PNPT1: variants seen among roughly 807,000 people sequenced by gnomAD.
PNPT1 encodes the protein polyribonucleotide nucleotidyltransferase 1.
A neutral mutation model predicts 119.5 loss-of-function variants in PNPT1; 53 were observed. The observed-to-expected ratio is 0.44, with a 90% CI of 0.36 to 0.56. PNPT1 has a LOEUF of 0.56. Ranked by LOEUF, PNPT1 falls within the 20% of genes least tolerant of loss-of-function variation. The probability of loss-of-function intolerance (pLI) is 0.00; values close to 1 mark genes in which losing one functional copy is unlikely to be tolerated. For synonymous variants in PNPT1, 357 were observed against 322.1 expected, an observed-to-expected ratio of 1.11 and a Z score of -1.16; for missense variants, 948 against 938.5, an observed-to-expected ratio of 1.01 and a Z score of -0.13.
intron 26 of PNPT1, among the ~76,000 whole-genome samples, chr2:55,639,909 G>C (rs1483350830): frequency 2.0e-5 from 3 of 152,040 alleles, no homozygotes; most frequent in Non-Finnish European, 1.5e-5. Context: ...TTAGCTCTTT[G>C]ATCCAGACAG....
intron 3 of PNPT1, 94 bp downstream of exon 3, chr2:55,686,276 T>A (rs1697402912): frequency 8.8e-7 from 1 of 1,131,870 alleles, no homozygotes; most frequent in African/African-American, 1.6e-5. Context: ...TGCAAGTTTG[T>A]ATTTTCCACT....
rs777911727 is a variant in PNPT1 at position 55,683,815 on chromosome 2, G to A, written c.423C>T (p.Leu141=). 6.2e-6 allele frequency: 10 copies of A among 1,613,594 alleles called. No homozygotes were observed. The Admixed American group carries it at 8.3e-5, about 13-fold the overall frequency. Residue 141 remains leucine (L), a synonymous_variant, in exon 5 of 28, where the codon CTC becomes CTT. Coordinates refer to ENST00000447944, the MANE Select transcript of PNPT1 (RefSeq NM_033109.5). ...TATCATAGAAGTAGCCAGCTGGAAA[G>A]AGCGGTCTAATTGAACGATCTGCCA... is the stretch of plus-strand genomic sequence containing the variant. ...SRIIDRSIRP[L]FPAGYFYDTQ... is the part of the protein sequence containing the mutation.
intron 18 of PNPT1, among the ~76,000 whole-genome samples, chr2:55,649,390 C>A (rs1448348926): frequency 3.3e-5 from 5 of 152,198 alleles, no homozygotes; most frequent in Non-Finnish European, 7.3e-5. Context: ...GACACTCATG[C>A]CAGAATCAAC....
chr2:55,660,276 G>A, intron 14 of PNPT1, 83 bp from the exon 15 acceptor site: 1 of 1,379,956 alleles, frequency 7.2e-7, no homozygotes, highest in Non-Finnish European at 9.7e-7. Flanking sequence ...AGATTTAAGG[G>A]GATTTTACAA....
intron 1 of PNPT1, among the ~76,000 whole-genome samples, chr2:55,689,545 T>C (rs900061528): frequency 6.6e-6 from 1 of 152,236 alleles, no homozygotes; most frequent in Non-Finnish European, 1.5e-5. Flanking sequence ...AACAAAGTAC[T>C]AATACATGTC....
chr2:55,670,161 G>A (rs925273749), intron 11 of PNPT1, among the ~76,000 whole-genome samples: 1 of 151,758 alleles, frequency 6.6e-6, no homozygotes, highest in Non-Finnish European at 1.5e-5. Context: ...TTTGTGTGAG[G>A]TTGGTATTAT....
At chr2:55,645,181 G>A (rs1478245549) in intron 22 of PNPT1, 168 bp downstream of exon 22, 7 of 429,010 alleles carry the variant, frequency 1.6e-5, no homozygotes, top group Admixed American at 4.2e-5. Context: ...CCGCCACCAC[G>A]CCCGGCTAAT....
chr2:55,667,824 G>C (rs780830983), intron 12 of PNPT1, 38 bp downstream of exon 12: 1 of 1,583,330 alleles, frequency 6.3e-7, no homozygotes, highest in South Asian at 1.2e-5. Flanking sequence ...TGCAGAGACA[G>C]TGCATACTTC....
At chr2:55,651,788 A>T (rs1055619933) in intron 18 of PNPT1, among the ~76,000 whole-genome samples, 27 of 150,282 alleles carry the variant, frequency 1.8e-4, no homozygotes, top group Admixed American at 3.3e-4. Context: ...AAAAAAAAAA[A>T]ATTAAAAAAA....
chr2:55,647,553 T>C (rs1214017847), intron 18 of PNPT1, 100 bp from the exon 19 acceptor site: 5 of 798,862 alleles, frequency 6.3e-6, no homozygotes, highest in Non-Finnish European at 9.7e-6. Context: ...GGAGTCTCGG[T>C]CTGTTGCCCA....
rs763928602 is a variant in PNPT1, at chr2:55,684,931, T to C, written c.403+12A>G. 1.9e-6 allele frequency: 3 copies of C among 1,552,190 alleles called. No individual in the cohort carries two copies. The South Asian group carries it at 3.6e-5, about 19-fold the overall frequency. ...ACCAGAGAAGATGAACGCCTCTATG[T>C]TAATATCTTACCTATTATTCGACTT... On this transcript the variant is annotated intron_variant, in intron 4 of 27. Transcript: ENST00000447944.
intron 1 of PNPT1, among the ~76,000 whole-genome samples, chr2:55,688,352 T>C (rs753389710): frequency 1.2e-4 from 18 of 152,244 alleles, no homozygotes; most frequent in South Asian, 2.1e-4. Context: ...ATTTACCATC[T>C]TAGTACAGTC....
chr2:55,693,347 T>C (rs1041035719), intron 1 of PNPT1, among the ~76,000 whole-genome samples: 1 of 152,140 alleles, frequency 6.6e-6, no homozygotes, highest in Non-Finnish European at 1.5e-5. Context: ...CAACTCGTTA[T>C]TCCTAGGTGG....
At chr2:55,649,591 C>A (rs553324520) in intron 18 of PNPT1, among the ~76,000 whole-genome samples, 1 of 152,184 alleles carries the variant, frequency 6.6e-6, no homozygotes, top group Non-Finnish European at 1.5e-5. Flanking sequence ...GCTTCTTAGT[C>A]TCTCCCATCT....
At chr2:55,644,258 T>A (rs967975766) in intron 23 of PNPT1, among the ~76,000 whole-genome samples, 4 of 151,488 alleles carry the variant, frequency 2.6e-5, no homozygotes, top group Non-Finnish European at 4.4e-5. Context: ...AAATTAAAGC[T>A]TTTTTTTATA....
intron 4 of PNPT1, 131 bp from the exon 5 acceptor site, chr2:55,683,965 G>C: frequency 3.9e-6 from 3 of 764,714 alleles, no homozygotes; most frequent in Non-Finnish European, 6.4e-6. Flanking sequence ...TTTACTAAGA[G>C]GGACACAGAT....
intron 8 of PNPT1, among the ~76,000 whole-genome samples, chr2:55,673,461 T>G (rs927607164): frequency 6.6e-6 from 1 of 151,864 alleles, no homozygotes; most frequent in African/African-American, 2.4e-5. Context: ...CTTTTTTTTT[T>G]TTTTTGAGAC....
Position 55,686,549 on chromosome 2 carries a change from T to C in PNPT1, c.223-105A>G, listed in dbSNP as rs1324235626. The C allele has an allele frequency of 2.1e-5, 16 of 777,796 alleles. 1 individual carries two copies. Among genetic ancestry groups the C allele is most frequent in the Middle Eastern group, 4.7e-4 (2 of 4,248 alleles). The allele number at this position is 777,796 out of a possible 1,614,324, so 48.2% of individuals were successfully genotyped here. ...CTCCAATTAAACTCAAGAAAAGATA[T>C]CTAATTCTACGACACGATTATGAAA... On this transcript the variant is annotated intron_variant, in intron 2 of 27. Transcript: ENST00000447944.
chr2:55,644,554 A>C, intron 23 of PNPT1, 83 bp downstream of exon 23: 2 of 931,792 alleles, frequency 2.1e-6, no homozygotes, highest in Middle Eastern at 2.2e-4. Flanking sequence ...ATATATATTT[A>C]AAGCAACATA....
Sources: gnomAD v4.1 joint callset for allele counts (sites outside exome capture counted in the v4.1 genomes callset) on GRCh38, gnomAD v4.1.1 for gene constraint, MANE v1.5 for transcripts, NCBI Gene and HGNC (gene_info 2026-07-23, HGNC 2026-07-21) for gene names.